The following POLR1D variants were observed in gnomAD, a reference collection of about 807,000 sequenced individuals.
The protein encoded by POLR1D is DNA-directed RNA polymerases I and III subunit RPAC2.
In POLR1D, 8 loss-of-function variants were observed where a neutral mutation model predicts 10.8. That is an observed-to-expected ratio of 0.74 (90% CI 0.43 to 1.33). The LOEUF (loss-of-function observed/expected upper bound fraction) is 1.33, where lower values mean the gene tolerates loss of function less well. POLR1D is among the 40% of genes most tolerant of loss of function. The pLI is 0.01. For missense variants in POLR1D, 152 were observed against 161.7 expected (o/e 0.94, Z 0.32); for synonymous variants, 54 against 57.2 (o/e 0.94, Z 0.25).
downstream of POLR1D, among the ~76,000 whole-genome samples, chr13:27,627,747 T>TTTTTTTTTTC (rs1566142755): frequency 1.5e-5 from 2 of 135,098 alleles, no homozygotes; most frequent in Non-Finnish European, 3.2e-5. Flanking sequence ...TTTTTTTTTT[T>TTTTTTTTTTC]TTTGTCCCAT....
At chr13:27,659,751 C>T (rs1956342548) in intron 2 of POLR1D, among the ~76,000 whole-genome samples, 1 of 152,102 alleles carries the variant, frequency 6.6e-6, no homozygotes, top group African/African-American at 2.4e-5. Context: ...TGCAAACTGT[C>T]TCAGTGTGTT....
chr13:27,636,776 C>G (rs1956128515), intron 1 of POLR1D, among the ~76,000 whole-genome samples: 1 of 152,082 alleles, frequency 6.6e-6, no homozygotes, highest in African/African-American at 2.4e-5. Context: ...CAATTGGGTA[C>G]CTATTCTATT....
At position 27,643,591 on chromosome 13, in the gene POLR1D, A is replaced by T. The variant is rs151257894; in HGVS notation, c.27-4788A>T. ...CAGTGGTTTGCAGATGTTCAGAGTG[A>T]TCTGATCATCTGTCTATATTTTTTT... On this transcript the variant is annotated intron_variant, in intron 1 of 2. Transcript: ENST00000399697. Among the ~76,000 whole-genome samples the T allele has an allele frequency of 2.3e-3, 346 of 152,270 alleles. 2 individuals carry two copies. Among genetic ancestry groups the T allele is most frequent in the Non-Finnish European group, 1.9e-3 (131 of 68,006 alleles).
chr13:27,639,477 T>A (rs1471756661), intron 1 of POLR1D, among the ~76,000 whole-genome samples: 2 of 152,208 alleles, frequency 1.3e-5, no homozygotes, highest in Non-Finnish European at 2.9e-5. Context: ...GGGCCTTTCT[T>A]CATAGCTTAT....
In POLR1D at chr13:27,623,387, C is replaced by T. The variant is rs1955973589; in HGVS notation, c.*137C>T. 4.7e-6 allele frequency: 7 copies of T among 1,502,972 alleles called. No individual in the cohort carries two copies. The highest frequency in any genetic ancestry group is 2.5e-5 in the South Asian group (2 of 79,924). 93.1% of individuals were successfully genotyped at this position (1,502,972 alleles called of 1,614,324 possible). A position where few individuals can be genotyped will look rare whatever the true frequency, so the allele number is the denominator to read the frequency against. On this transcript the variant is annotated 3_prime_UTR_variant, in exon 2 of 2. Transcript: ENST00000302979. ...CGTGATTCTAGCTGTTGACCCCTTG[C>T]AGCTGTTGGAATCTCTGCAAGAACC...
intron 1 of POLR1D, among the ~76,000 whole-genome samples, chr13:27,634,422 G>A (rs941669238): frequency 6.6e-6 from 1 of 152,194 alleles, no homozygotes; most frequent in Non-Finnish European, 1.5e-5. Context: ...GCCAGAACAT[G>A]AGGAAGCCAA....
chr13:27,652,446 C>T (rs1013466805), intron 2 of POLR1D, among the ~76,000 whole-genome samples: 20 of 152,268 alleles, frequency 1.3e-4, no homozygotes, highest in African/African-American at 4.6e-4. Context: ...TACTGGGGAC[C>T]CAGGCTCCTT....
At chr13:27,659,906 G>GTATATATATATATATATATATA (rs142807905) in intron 2 of POLR1D, among the ~76,000 whole-genome samples, 32 of 145,164 alleles carry the variant, frequency 2.2e-4, no homozygotes, top group African/African-American at 8.2e-4. Context: ...TATCTCAGGT[G>GTATATATATATATATATATATA]TATATATATA....
intron 1 of POLR1D, among the ~76,000 whole-genome samples, chr13:27,635,916 G>T (rs1393698998): frequency 6.6e-6 from 1 of 151,890 alleles, no homozygotes; most frequent in Non-Finnish European, 1.5e-5. Flanking sequence ...TTCTCTTAAG[G>T]TTACTTGATG....
intron 1 of POLR1D, among the ~76,000 whole-genome samples, chr13:27,635,696 CTATATATATATATATATA>C (rs3081355): frequency 1.4e-5 from 2 of 140,576 alleles, no homozygotes; most frequent in African/African-American, 2.6e-5. Flanking sequence ...TACAAAGTAA[CTATATATATATATATATA>C]TATATATATA....
At chr13:27,630,357 T>C (rs1367164210) in intron 1 of POLR1D, among the ~76,000 whole-genome samples, 2 of 152,192 alleles carry the variant, frequency 1.3e-5, no homozygotes, top group Non-Finnish European at 2.9e-5. Flanking sequence ...ACCAATTTTA[T>C]TAAAAGGACT....
downstream of POLR1D, among the ~76,000 whole-genome samples, chr13:27,625,671 A>G (rs1053571375): frequency 2.6e-5 from 4 of 151,770 alleles, no homozygotes; most frequent in Admixed American, 2.6e-4. Flanking sequence ...AAAAAAAAAA[A>G]ATAGAGGGTG....
chr13:27,658,020 TG>T (rs1366741782), intron 2 of POLR1D, among the ~76,000 whole-genome samples: 3 of 152,222 alleles, frequency 2.0e-5, no homozygotes, highest in African/African-American at 7.2e-5. Context: ...GAAGATCACC[TG>T]GTTTCCATTT....
At chr13:27,622,831 C>G (rs982913005) in intron 1 of POLR1D, 44 bp from the exon 2 acceptor site, 1 of 1,292,398 alleles carries the variant, frequency 7.7e-7, no homozygotes, top group African/African-American at 1.5e-5. Context: ...AGTTACAAAA[C>G]AATATTCAGT....
intron 1 of POLR1D, among the ~76,000 whole-genome samples, chr13:27,635,053 T>A (rs1305106170): frequency 6.6e-6 from 1 of 152,090 alleles, no homozygotes; most frequent in East Asian, 1.9e-4. Context: ...CCAGAGCATA[T>A]CCTCCAAGGA....
At chr13:27,658,463 C>T (rs1276730625) in intron 2 of POLR1D, among the ~76,000 whole-genome samples, 1 of 149,328 alleles carries the variant, frequency 6.7e-6, no homozygotes, top group African/African-American at 2.6e-5. Context: ...TCACTAGTGG[C>T]CATGGCCTGT....
intron 2 of POLR1D, among the ~76,000 whole-genome samples, chr13:27,649,231 A>C (rs1371207398): frequency 6.6e-6 from 1 of 152,248 alleles, no homozygotes; most frequent in African/African-American, 2.4e-5. Context: ...AGTAGAAGCT[A>C]AACTTCTGAA....
rs1053573832 is a variant in POLR1D at position 27,622,952 on chromosome 13, C to G, written c.104C>G (p.Thr35Arg). 4 of 1,613,414 alleles carry G rather than the reference C, an allele frequency of 2.5e-6. No individual in the cohort carries two copies. The African/African-American group carries it at 5.3e-5, about 22-fold the overall frequency. Residue 35 changes from threonine to arginine, a missense_variant, in exon 2 of 2, where the codon ACA (threonine) becomes AGA (arginine). Thr to Arg is a moderately conservative substitution (Grantham distance 71). Transcript: ENST00000302979. ...CTGGAAATGGTCCAGGCAGCTGGAA[C>G]AGATAGACACTGTGTGACATTTGTA... is the stretch of plus-strand genomic sequence containing the variant. Reference protein sequence around the residue: ...TALEMVQAAGTDRHCVTFVLH... With the variant: ...TALEMVQAAGRDRHCVTFVLH...
At chr13:27,648,990 C>G (rs925134318) in intron 2 of POLR1D, among the ~76,000 whole-genome samples, 1 of 152,038 alleles carries the variant, frequency 6.6e-6, no homozygotes, top group Non-Finnish European at 1.5e-5. Context: ...TTTGGGAGGC[C>G]AAGGTGGGAG....
Sources: allele counts gnomAD v4.1 joint callset (sites outside exome capture counted in the v4.1 genomes callset), GRCh38; gene constraint gnomAD v4.1.1; transcripts MANE v1.5; gene names NCBI Gene and HGNC (gene_info 2026-07-23, HGNC 2026-07-21).